TUT4: variants seen among roughly 807,000 people sequenced by gnomAD.
TUT4 encodes terminal uridylyl transferase 4.
In TUT4, 36 loss-of-function variants were observed where a neutral mutation model predicts 192.2. That is an observed-to-expected ratio of 0.19 (90% CI 0.14 to 0.25). The LOEUF (loss-of-function observed/expected upper bound fraction) is 0.25, where lower values mean the gene tolerates loss of function less well. TUT4 is among the 10% of genes least tolerant of loss of function. The pLI, the probability that TUT4 is intolerant of heterozygous loss-of-function variation, is 1.00. For synonymous variants in TUT4, 618 were observed against 666.0 expected (o/e 0.93, Z 1.11); for missense variants, 1,493 against 1,957.2 (o/e 0.76, Z 4.47).
chr1:52,528,875 T>TGGCTAATTTTTTTTTGTTGTAGAG (rs909674662), intron 1 of TUT4, among the ~76,000 whole-genome samples: 6 of 151,966 alleles, frequency 3.9e-5, no homozygotes, highest in African/African-American at 1.5e-4. Context: ...CCACCACACC[T>TGGCTAATTTTTTTTTGTTGTAGAG]GGCTAATTTT....
At chr1:52,442,433 G>C (rs1474381859) in intron 24 of TUT4, among the ~76,000 whole-genome samples, 1 of 152,170 alleles carries the variant, frequency 6.6e-6, no homozygotes, top group East Asian at 1.9e-4. Context: ...GAGTGAAATA[G>C]GTATGAAGTA....
chr1:52,462,377 C>T (rs11205960), intron 16 of TUT4: 4,965 of 151,928 alleles, frequency 0.033, 197 homozygotes, highest in African/African-American at 0.096. Flanking sequence ...TAGTAGAGAC[C>T]AGGTTTCACC....
chr1:52,523,778 A>C (rs1680940234), intron 2 of TUT4, among the ~76,000 whole-genome samples: 1 of 152,154 alleles, frequency 6.6e-6, no homozygotes, highest in Non-Finnish European at 1.5e-5. Flanking sequence ...TACAATTGAG[A>C]CTGAGACACA....
chr1:52,436,006 T>A (rs1460240087), intron 26 of TUT4, among the ~76,000 whole-genome samples: 1 of 151,874 alleles, frequency 6.6e-6, no homozygotes, highest in Non-Finnish European at 1.5e-5. Context: ...GTTCTCTTAT[T>A]TTTTTTTAAT....
chr1:52,517,226 C>T (rs1456392786), intron 2 of TUT4, among the ~76,000 whole-genome samples: 1 of 152,194 alleles, frequency 6.6e-6, no homozygotes, highest in African/African-American at 2.4e-5. Context: ...ATGTATCTGT[C>T]CCCTACATTA....
chr1:52,553,263 C>G (rs1352995506), upstream of TUT4, among the ~76,000 whole-genome samples: 1 of 148,408 alleles, frequency 6.7e-6, no homozygotes, highest in African/African-American at 2.5e-5. Context: ...GGAGGAGCTA[C>G]GCGCAGAGGG....
At chr1:52,439,028 C>T (rs942367621) in intron 24 of TUT4, among the ~76,000 whole-genome samples, 3 of 150,546 alleles carry the variant, frequency 2.0e-5, no homozygotes, top group Non-Finnish European at 4.4e-5. Context: ...AAAGATCGTG[C>T]CACTGCACTC....
At chr1:52,437,148 G>T in intron 25 of TUT4, 170 bp from the exon 26 acceptor site, 1 of 798,432 alleles carries the variant, frequency 1.3e-6, no homozygotes, top group Non-Finnish European at 1.8e-6. Context: ...GCAGGAACTC[G>T]GTTTTCCAGT....
intron 20 of TUT4, among the ~76,000 whole-genome samples, chr1:52,453,528 T>C (rs1019518114): frequency 4.6e-5 from 7 of 150,618 alleles, no homozygotes; most frequent in Non-Finnish European, 7.4e-5. Flanking sequence ...ACATTCATGA[T>C]TAAAAAAAAA....
intron 20 of TUT4, among the ~76,000 whole-genome samples, chr1:52,454,162 C>T (rs1228902660): frequency 1.3e-5 from 2 of 152,140 alleles, no homozygotes; most frequent in African/African-American, 4.8e-5. Context: ...TACTTGGTCT[C>T]CAGATTCAAT....
intron 4 of TUT4, among the ~76,000 whole-genome samples, chr1:52,502,445 T>C (rs1443302703): frequency 2.0e-5 from 3 of 152,096 alleles, no homozygotes; most frequent in African/African-American, 7.2e-5. Context: ...CCTTAATATC[T>C]TTCTTTTCCA....
At chr1:52,501,992 T>A (rs1674237112) in intron 4 of TUT4, among the ~76,000 whole-genome samples, 2 of 152,074 alleles carry the variant, frequency 1.3e-5, no homozygotes, top group Non-Finnish European at 2.9e-5. Flanking sequence ...AGAGTTTCAG[T>A]ATAGAATGAT....
rs772258876 is a variant in TUT4, at chr1:52,465,050, C to A, written c.3069+20G>T. On this transcript the variant is annotated intron_variant, in intron 16 of 29. Coordinates refer to ENST00000257177, the MANE Select transcript of TUT4 (RefSeq NM_001009881.3). The stretch of plus-strand genomic sequence containing the variant: ...ATTGGGAGAAAATAAACTTACATAA[C>A]GCTTTCCAAACACTCTTACCTCTGC... 3.8e-6 allele frequency: 6 copies of A among 1,558,672 alleles called. No individual in the cohort carries two copies. The African/African-American group carries it at 8.3e-5, about 22-fold the overall frequency.
intron 6 of TUT4, 24 bp from the exon 7 acceptor site, chr1:52,493,686 C>A (rs754190842): frequency 1.4e-6 from 2 of 1,423,140 alleles, no homozygotes; most frequent in Non-Finnish European, 1.9e-6. Context: ...AAAAATAAAT[C>A]GATATACTAA....
chr1:52,448,029 A>T (rs955420964), intron 20 of TUT4, among the ~76,000 whole-genome samples: 10 of 152,182 alleles, frequency 6.6e-5, no homozygotes, highest in African/African-American at 1.9e-4. Flanking sequence ...GGCCCCTCCA[A>T]TTTTATCCTC....
chr1:52,436,111 A>G (rs1452525310), intron 26 of TUT4, among the ~76,000 whole-genome samples: 1 of 152,204 alleles, frequency 6.6e-6, no homozygotes, highest in African/African-American at 2.4e-5. Context: ...GGGAAGAAAT[A>G]TAATTCTCCA....
At position 52,495,481 on chromosome 1, in the gene TUT4, A is replaced by G; in HGVS notation, c.1212T>C (p.Thr404=). Residue 404 remains threonine, a synonymous_variant, in exon 6 of 30, where the codon ACT becomes ACC. Coordinates refer to ENST00000257177, the MANE Select transcript of TUT4 (RefSeq NM_001009881.3). ...CATCACTACTTTTCAGAGCAAATCTAGTCAGAGATGAGCCATACAACCTAA... is the reference window on the plus strand; with the variant it reads ...CATCACTACTTTTCAGAGCAAATCTGGTCAGAGATGAGCCATACAACCTAA... ...CSLRLYGSSL[T]RFALKSSDVN... The G allele has an allele frequency of 1.2e-6, 2 of 1,611,342 alleles. No individual in the cohort carries two copies. The highest frequency in any genetic ancestry group is 2.2e-5 in the East Asian group (1 of 44,658).
intron 13 of TUT4, among the ~76,000 whole-genome samples, chr1:52,473,233 T>A (rs1042938676): frequency 6.6e-6 from 1 of 152,124 alleles, no homozygotes; most frequent in Non-Finnish European, 1.5e-5. Flanking sequence ...CAGATGTATA[T>A]TTACATAGAA....
chr1:52,482,025 A>G (rs906752177), intron 9 of TUT4, 102 bp from the exon 10 acceptor site: 2 of 970,738 alleles, frequency 2.1e-6, no homozygotes, highest in Non-Finnish European at 2.8e-6. Flanking sequence ...AAAAGTTCAA[A>G]TGACAATGAA....
Sources: gnomAD v4.1 joint callset for allele counts (sites outside exome capture counted in the v4.1 genomes callset) on GRCh38, gnomAD v4.1.1 for gene constraint, MANE v1.5 for transcripts, NCBI Gene and HGNC (gene_info 2026-07-23, HGNC 2026-07-21) for gene names.